Variants in HDAC9 observed in about 807,000 individuals in gnomAD.
The protein encoded by HDAC9 is histone deacetylase 9.
HDAC9 carries 41 observed loss-of-function variants against 139.4 expected under a neutral mutation model. The ratio of observed to expected loss-of-function variants is 0.29; its 90% CI spans 0.23 to 0.38. The LOEUF (loss-of-function observed/expected upper bound fraction) is 0.38. Among genes scored for constraint, HDAC9 ranks in the 10% least tolerant of loss-of-function variants. The pLI is 1.00. For missense variants in HDAC9, 1,147 were observed against 1,297.0 expected (o/e 0.88, Z 1.78); for synonymous variants, 517 against 476.2 (o/e 1.09, Z -1.12).
chr7:18,369,537 G>T (rs1192573873), intron 1 of HDAC9, among the ~76,000 whole-genome samples: 3 of 151,100 alleles, frequency 2.0e-5, no homozygotes, highest in African/African-American at 7.3e-5. Flanking sequence ...TCCTTACCTG[G>T]AAATCCTGGG....
chr7:18,304,364 C>T (rs1269891921), intron 1 of HDAC9, among the ~76,000 whole-genome samples: 7 of 152,164 alleles, frequency 4.6e-5, no homozygotes, highest in African/African-American at 1.4e-4. Context: ...GCTCAGACTA[C>T]CAGACTTCAG....
rs147957121 is a variant in HDAC9, at chr7:18,996,719, C to CTGTT, written c.*661_*664dup. 4 of 152,288 alleles carry CTGTT rather than the reference C, an allele frequency of 2.6e-5. No homozygotes were observed. The highest frequency in any genetic ancestry group is 4.8e-5 in the African/African-American group (2 of 41,552). The allele number at this position is 152,288 out of a possible 1,614,324, so 9.4% of individuals were successfully genotyped here. A position where few individuals can be genotyped will look rare whatever the true frequency, so the allele number is the denominator to read the frequency against. ...CCAAATGCCAAAGGAACCTCACACA[C>CTGTT]TGTTTGTAATGGTGCAATATTTTAT... On this transcript the variant is annotated 3_prime_UTR_variant, in exon 26 of 26. Transcript: ENST00000686413.
chr7:18,138,436 A>T (rs1233331361), intron 1 of HDAC9, among the ~76,000 whole-genome samples: 2 of 151,836 alleles, frequency 1.3e-5, no homozygotes, highest in African/African-American at 2.4e-5. Flanking sequence ...GTTTTAGGAG[A>T]TGGAGGGAGT....
chr7:18,714,110 G>A (rs1784535976), intron 12 of HDAC9, among the ~76,000 whole-genome samples: 1 of 152,174 alleles, frequency 6.6e-6, no homozygotes, highest in African/African-American at 2.4e-5. Flanking sequence ...TGCTCTGAGA[G>A]TTCAAATAAA....
At chr7:18,486,734 G>A (rs754222907) in intron 1 of HDAC9, among the ~76,000 whole-genome samples, 11 of 151,918 alleles carry the variant, frequency 7.2e-5, no homozygotes, top group Non-Finnish European at 1.6e-4. Context: ...TAATCTCCAT[G>A]TTTTATATTG....
At chr7:18,452,589 A>G (rs1025911767) in intron 1 of HDAC9, among the ~76,000 whole-genome samples, 2 of 152,176 alleles carry the variant, frequency 1.3e-5, no homozygotes, top group African/African-American at 2.4e-5. Flanking sequence ...CCTCACCCAA[A>G]TCTTACCTAT....
chr7:18,295,823 G>C (rs1188573763), intron 1 of HDAC9, among the ~76,000 whole-genome samples: 1 of 152,080 alleles, frequency 6.6e-6, no homozygotes, highest in Non-Finnish European at 1.5e-5. Flanking sequence ...GGTAATGTAG[G>C]GGGCAGCATC....
At chr7:18,256,936 A>G in intron 2 of HDAC9, among the ~76,000 whole-genome samples, 1 of 151,926 alleles carries the variant, frequency 6.6e-6, no homozygotes, top group Non-Finnish European at 1.5e-5. Context: ...AAAAGTAAAA[A>G]AAAATAACCA....
chr7:18,296,030 C>G (rs1304061384), intron 1 of HDAC9, among the ~76,000 whole-genome samples: 1 of 152,060 alleles, frequency 6.6e-6, no homozygotes, highest in Non-Finnish European at 1.5e-5. Flanking sequence ...CCTTTACTGC[C>G]TTTTTTTCAT....
chr7:18,373,996 A>G (rs1461885462), intron 1 of HDAC9, among the ~76,000 whole-genome samples: 2 of 152,100 alleles, frequency 1.3e-5, no homozygotes, highest in African/African-American at 2.4e-5. Flanking sequence ...AAATGTTACA[A>G]TATGGTGAAT....
chr7:18,887,854 C>A (rs1800303037), intron 22 of HDAC9, among the ~76,000 whole-genome samples: 1 of 152,068 alleles, frequency 6.6e-6, no homozygotes, highest in Non-Finnish European at 1.5e-5. Flanking sequence ...TCCAACTGAA[C>A]CTCTAGACTT....
chr7:18,909,096 G>T (rs985122519), intron 22 of HDAC9, among the ~76,000 whole-genome samples: 1 of 152,004 alleles, frequency 6.6e-6, no homozygotes, highest in African/African-American at 2.4e-5. Context: ...TCTAACCGGG[G>T]TGAAGCAAGA....
At chr7:18,444,619 T>A (rs1792122023) in intron 1 of HDAC9, among the ~76,000 whole-genome samples, 1 of 151,976 alleles carries the variant, frequency 6.6e-6, no homozygotes, top group Non-Finnish European at 1.5e-5. Context: ...CATTATTTTA[T>A]TTTGCCAGAA....
rs1787263185 is a variant in HDAC9, at chr7:18,739,670, G to A, written c.1910-9335G>A. 3.3e-5 allele frequency among the ~76,000 whole-genome samples: 5 copies of A among 152,158 alleles called. No homozygotes were observed. The South Asian group carries it at 8.3e-4, about 25-fold the overall frequency. ...CCAGAGAGGCAGCTGCCTATATGAGGTGTCTGTCGGTCCCTACTGGGAGAT... is the reference window on the plus strand; with the variant it reads ...CCAGAGAGGCAGCTGCCTATATGAGATGTCTGTCGGTCCCTACTGGGAGAT... On this transcript the variant is annotated intron_variant, in intron 13 of 25. Transcript: ENST00000686413.
At chr7:18,197,046 G>T (rs1206282982) in intron 2 of HDAC9, among the ~76,000 whole-genome samples, 1 of 152,190 alleles carries the variant, frequency 6.6e-6, no homozygotes, top group Non-Finnish European at 1.5e-5. Flanking sequence ...GAAGGCCTGA[G>T]TAGAGCAAAA....
rs533373544 is a variant in HDAC9 at position 18,577,924 on chromosome 7, G to A, written c.23-7357G>A. 7.4e-4 allele frequency among the ~76,000 whole-genome samples: 112 copies of A among 152,124 alleles called. No homozygotes were observed. In the Middle Eastern group the frequency reaches 0.01, roughly 14 times the overall value. On this transcript the variant is annotated intron_variant, in intron 2 of 25. Coordinates refer to ENST00000686413, the MANE Select transcript of HDAC9 (RefSeq NM_178425.4). ...ATAGAAAGAATGAGACTGAAAAAAA[G>A]GACTTGTTAAAAAAAATTTAAAAAC...
chr7:18,471,606 T>C, intron 1 of HDAC9, among the ~76,000 whole-genome samples: 1 of 152,208 alleles, frequency 6.6e-6, no homozygotes, highest in East Asian at 1.9e-4. Flanking sequence ...ATCAGGGGCC[T>C]GCTGAACTTC....
Position 18,856,183 on chromosome 7 carries a change from C to T in HDAC9, c.2685-18295C>T, listed in dbSNP as rs975481806. Among the ~76,000 whole-genome samples, 5 of 152,142 alleles carry T rather than the reference C, an allele frequency of 3.3e-5. No homozygotes were observed. The East Asian group carries it at 5.8e-4, about 18-fold the overall frequency. Reference sequence around the variant, plus strand: ...TGAGAGATACGGCATCATAGGTTCACGCTAAGGCTCACAGCCCCTAAGAAA... The same window carrying T: ...TGAGAGATACGGCATCATAGGTTCATGCTAAGGCTCACAGCCCCTAAGAAA... On this transcript the variant is annotated intron_variant, in intron 21 of 25. Transcript: ENST00000686413.
intron 2 of HDAC9, among the ~76,000 whole-genome samples, chr7:18,164,287 G>A (rs1211459558): frequency 2.0e-5 from 3 of 151,998 alleles, no homozygotes; most frequent in African/African-American, 4.8e-5. Context: ...AAAGGAAAAT[G>A]TTCCTGCCAC....
Sources: allele counts gnomAD v4.1 joint callset (sites outside exome capture counted in the v4.1 genomes callset), GRCh38; gene constraint gnomAD v4.1.1; transcripts MANE v1.5; gene names NCBI Gene and HGNC (gene_info 2026-07-23, HGNC 2026-07-21).